The following NRG1 variants were observed in gnomAD, a reference collection of about 807,000 sequenced individuals.
NRG1 encodes the protein pro-neuregulin-1, membrane-bound isoform.
In NRG1, 18 loss-of-function variants were observed where a neutral mutation model predicts 63.8. The observed-to-expected ratio is 0.28, with a 90% CI of 0.19 to 0.42. The LOEUF (loss-of-function observed/expected upper bound fraction) is 0.42. Ranked by LOEUF, NRG1 falls within the 10% of genes least tolerant of loss-of-function variation. NRG1 has a pLI of 1.00. For missense variants in NRG1, 762 were observed against 814.7 expected (o/e 0.94, Z 0.79); for synonymous variants, 302 against 301.3 (o/e 1.00, Z -0.02).
At chr8:31,717,157 A>C (rs780788357) in intron 1 of NRG1, among the ~76,000 whole-genome samples, 14 of 152,202 alleles carry the variant, frequency 9.2e-5, no homozygotes, top group Non-Finnish European at 1.3e-4. Flanking sequence ...CTGTAATCCT[A>C]GCACACTGGG....
chr8:32,432,914 G>T (rs1818327911), intron 1 of NRG1, among the ~76,000 whole-genome samples: 2 of 152,132 alleles, frequency 1.3e-5, no homozygotes, highest in Non-Finnish European at 2.9e-5. Context: ...ATTACACAAT[G>T]ATTAAATTTA....
chr8:31,918,238 G>A (rs1478295295), intron 1 of NRG1, among the ~76,000 whole-genome samples: 9 of 152,198 alleles, frequency 5.9e-5, no homozygotes, highest in Admixed American at 3.3e-4. Flanking sequence ...CCAACAGTAT[G>A]TTGAATAGTA....
chr8:32,756,272 C>A (rs1589616617), intron 8 of NRG1, 131 bp from the exon 9 acceptor site: 3 of 975,780 alleles, frequency 3.1e-6, no homozygotes, highest in African/African-American at 3.3e-5. Context: ...AGTGGACATA[C>A]TCCCTTCCCT....
intron 1 of NRG1, among the ~76,000 whole-genome samples, chr8:32,475,011 C>T (rs1347457928): frequency 6.6e-6 from 1 of 152,126 alleles, no homozygotes; most frequent in Non-Finnish European, 1.5e-5. Context: ...GCTTCCTCCC[C>T]TAGAAACTCA....
intron 1 of NRG1, among the ~76,000 whole-genome samples, chr8:32,130,494 C>G (rs996295668): frequency 2.0e-5 from 3 of 151,758 alleles, no homozygotes; most frequent in African/African-American, 7.3e-5. Flanking sequence ...ATACTGAGGT[C>G]AGGATTTAAT....
chr8:32,121,183 G>A (rs1833397501), intron 1 of NRG1, among the ~76,000 whole-genome samples: 1 of 152,074 alleles, frequency 6.6e-6, no homozygotes, highest in Non-Finnish European at 1.5e-5. Flanking sequence ...TTGAGAAACA[G>A]CAAGGAAAAT....
intron 1 of NRG1, among the ~76,000 whole-genome samples, chr8:31,847,604 G>T (rs1198091027): frequency 6.6e-6 from 1 of 152,124 alleles, no homozygotes; most frequent in Non-Finnish European, 1.5e-5. Flanking sequence ...TCACTACCTG[G>T]AATAAACTCC....
At chr8:32,378,469 G>A (rs1218440370) in intron 1 of NRG1, among the ~76,000 whole-genome samples, 1 of 152,068 alleles carries the variant, frequency 6.6e-6, no homozygotes, top group Non-Finnish European at 1.5e-5. Context: ...CCCAAATGAA[G>A]AAGAAACCAA....
At position 31,675,202 on chromosome 8, in the gene NRG1, C is replaced by T. The variant is rs140766780; in HGVS notation, c.37+35771C>T. On this transcript the variant is annotated intron_variant, in intron 1 of 10. Transcript: ENST00000519301. The stretch of plus-strand genomic sequence containing the variant: ...TATTAAAAATACAAAATTAGCTGGG[C>T]GTGGTGGTGGACACGTGTAATCCCA... 3.1e-3 allele frequency among the ~76,000 whole-genome samples: 471 copies of T among 152,174 alleles called. 3 individuals are homozygous for T. Among genetic ancestry groups the T allele is most frequent in the African/African-American group, 0.011 (449 of 41,530 alleles).
At position 31,923,038 on chromosome 8, in the gene NRG1, G is replaced by T. The variant is rs537758881; in HGVS notation, c.37+283607G>T. ...AGCAAGGAAGAATGAATAGAAAGTA[G>T]GCAAGAAGGAAGGGTGAGATGAGAG... On this transcript the variant is annotated intron_variant, in intron 1 of 10. Coordinates refer to the NRG1 transcript ENST00000519301. Among the ~76,000 whole-genome samples the T allele has an allele frequency of 2.6e-5, 4 of 152,016 alleles. No individual in the cohort carries two copies. In the East Asian group the frequency reaches 7.8e-4, roughly 29 times the overall value.
At chr8:32,396,292 T>G (rs188571612) in intron 1 of NRG1, among the ~76,000 whole-genome samples, 1 of 152,342 alleles carries the variant, frequency 6.6e-6, no homozygotes, top group East Asian at 1.9e-4. Context: ...TGATTGGGAT[T>G]CTCACGAATG....
intron 1 of NRG1, among the ~76,000 whole-genome samples, chr8:32,068,216 A>G (rs569332207): frequency 2.0e-5 from 3 of 152,338 alleles, no homozygotes; most frequent in East Asian, 3.9e-4. Context: ...GTAAAATATG[A>G]AAGAAAGACT....
intron 1 of NRG1, among the ~76,000 whole-genome samples, chr8:32,559,841 C>CAAAAAAAAAAAAAA (rs575336896): frequency 5.5e-5 from 7 of 127,402 alleles, no homozygotes; most frequent in Non-Finnish European, 8.3e-5. Flanking sequence ...CAAAAAAATA[C>CAAAAAAAAAAAAAA]AAAAAAAAAA....
chr8:32,368,026 C>G (rs1019081289), intron 1 of NRG1, among the ~76,000 whole-genome samples: 2 of 152,142 alleles, frequency 1.3e-5, no homozygotes, highest in Admixed American at 6.6e-5. Flanking sequence ...TTCCATTGGT[C>G]TATACGTCTG....
chr8:32,302,400 A>G (rs1273988775), intron 1 of NRG1, among the ~76,000 whole-genome samples: 7 of 152,210 alleles, frequency 4.6e-5, no homozygotes, highest in Admixed American at 2.0e-4. Context: ...GGGAAAAGGG[A>G]GAAATAATAA....
At chr8:32,376,916 C>T (rs1479111656) in intron 1 of NRG1, among the ~76,000 whole-genome samples, 3 of 152,164 alleles carry the variant, frequency 2.0e-5, no homozygotes, top group African/African-American at 7.2e-5. Context: ...ATCAGTTTAA[C>T]AAGGAGCCCA....
chr8:32,315,241 C>T (rs1857248826), intron 1 of NRG1, among the ~76,000 whole-genome samples: 1 of 152,144 alleles, frequency 6.6e-6, no homozygotes, highest in Non-Finnish European at 1.5e-5. Flanking sequence ...TCCCTCTGCC[C>T]ACCCCCCTGA....
intron 5 of NRG1, among the ~76,000 whole-genome samples, chr8:32,650,225 T>C (rs531636241): frequency 1.5e-4 from 23 of 152,236 alleles, no homozygotes; most frequent in East Asian, 3.9e-4. Flanking sequence ...AGTTTTTTTT[T>C]CCCCAAGCCA....
chr8:31,726,083 G>T (rs1032242732), intron 1 of NRG1, among the ~76,000 whole-genome samples: 1 of 151,866 alleles, frequency 6.6e-6, no homozygotes, highest in Non-Finnish European at 1.5e-5. Context: ...ATAGAACATC[G>T]ACTGTGCCTA....
Sources: allele counts gnomAD v4.1 joint callset (sites outside exome capture counted in the v4.1 genomes callset), GRCh38; gene constraint gnomAD v4.1.1; transcripts MANE v1.5; gene names NCBI Gene and HGNC (gene_info 2026-07-23, HGNC 2026-07-21).